FBXO45: variants seen among roughly 807,000 people sequenced by gnomAD.
FBXO45 encodes the protein F-box/SPRY domain-containing protein 1.
Under a neutral mutation model 25.5 loss-of-function variants are expected in FBXO45, and 3 were observed. That is an observed-to-expected ratio of 0.12 (90% CI 0.05 to 0.30). The LOEUF (loss-of-function observed/expected upper bound fraction) is 0.30. Among genes scored for constraint, FBXO45 ranks in the 10% least tolerant of loss-of-function variants. The pLI is 1.00. For synonymous variants in FBXO45, 155 were observed against 149.8 expected, an observed-to-expected ratio of 1.03 and a Z score of -0.25; for missense variants, 219 against 365.0, an observed-to-expected ratio of 0.60 and a Z score of 3.26.
At chr3:196,577,241 G>C (rs1356406652) in intron 1 of FBXO45, among the ~76,000 whole-genome samples, 1 of 150,618 alleles carries the variant, frequency 6.6e-6, no homozygotes, top group East Asian at 2.0e-4. Context: ...TAAAATTTTG[G>C]TCAGTGATGA....
chr3:196,570,315 G>A (rs1735788182), intron 1 of FBXO45, among the ~76,000 whole-genome samples: 1 of 144,586 alleles, frequency 6.9e-6, no homozygotes, highest in East Asian at 2.1e-4. Flanking sequence ...TCGGCTCACC[G>A]CAACCTCCGC....
Position 196,580,929 on chromosome 3 carries a change from G to T in FBXO45, c.675+3120G>T, listed in dbSNP as rs186275459. Among the ~76,000 whole-genome samples, 221 of 152,140 alleles carry T rather than the reference G, an allele frequency of 1.5e-3. 3 individuals are homozygous for T. Among genetic ancestry groups the T allele is most frequent in the African/African-American group, 4.9e-3 (204 of 41,504 alleles). Reference sequence around the variant, plus strand: ...GCCTCCAGAGTAGCTGGGACTACAGGTGCTCCCCACCAATGCCTGGCTAAT... The same window carrying T: ...GCCTCCAGAGTAGCTGGGACTACAGTTGCTCCCCACCAATGCCTGGCTAAT... On this transcript the variant is annotated intron_variant, in intron 2 of 2. Transcript: ENST00000311630.
At position 196,584,399 on chromosome 3, in the gene FBXO45, A is replaced by T. The variant is rs1736066836; in HGVS notation, c.*81A>T. 1.6e-6 allele frequency: 2 copies of T among 1,238,336 alleles called. No individual in the cohort carries two copies. The highest frequency in any genetic ancestry group is 2.2e-6 in the Non-Finnish European group (2 of 905,634). 76.7% of individuals were successfully genotyped at this position (1,238,336 alleles called of 1,614,324 possible). On this transcript the variant is annotated 3_prime_UTR_variant, in exon 3 of 3. Coordinates refer to ENST00000311630, the MANE Select transcript of FBXO45 (RefSeq NM_001105573.2). This position sits in a 1 kb window ranked among gnomAD's most constrained non-coding sequence, Gnocchi z 4.3. ...TAGAACCATGAAGTGACTGTCACAC[A>T]TGCATGTCCAAGAAACATCCTGAAA...
At chr3:196,572,680 T>C (rs532660908) in intron 1 of FBXO45, among the ~76,000 whole-genome samples, 2 of 152,308 alleles carry the variant, frequency 1.3e-5, no homozygotes, top group Admixed American at 1.3e-4. Flanking sequence ...ATTGGTGATA[T>C]GATTATTTTG....
chr3:196,574,459 A>G (rs1234313591), intron 1 of FBXO45, among the ~76,000 whole-genome samples: 1 of 152,158 alleles, frequency 6.6e-6, no homozygotes, highest in African/African-American at 2.4e-5. Context: ...GCAAAGGTTG[A>G]TATGTCTCTT....
chr3:196,571,030 G>A (rs561017425), intron 1 of FBXO45, among the ~76,000 whole-genome samples: 8 of 152,136 alleles, frequency 5.3e-5, no homozygotes, highest in African/African-American at 1.9e-4. Context: ...TTTCTATTAA[G>A]CGAAATAACA....
chr3:196,573,358 G>A (rs1735860236), intron 1 of FBXO45, among the ~76,000 whole-genome samples: 1 of 152,156 alleles, frequency 6.6e-6, no homozygotes, highest in South Asian at 2.1e-4. Flanking sequence ...TATCATGGAG[G>A]GCTTTGAAAT....
At chr3:196,576,030 T>C (rs749332716) in intron 1 of FBXO45, among the ~76,000 whole-genome samples, 29 of 152,208 alleles carry the variant, frequency 1.9e-4, no homozygotes, top group Non-Finnish European at 3.4e-4. Flanking sequence ...TATTTTATAA[T>C]ACGAGCAGAT....
In FBXO45 at chr3:196,568,727, C is replaced by T. The variant is rs1185024489; in HGVS notation, c.-258C>T. 8 of 153,610 alleles carry T rather than the reference C, an allele frequency of 5.2e-5. No homozygotes were observed. The highest frequency in any genetic ancestry group is 7.2e-5 in the African/African-American group (3 of 41,462). The allele number at this position is 153,610 out of a possible 1,614,324, so 9.5% of individuals were successfully genotyped here. A position where few individuals can be genotyped will look rare whatever the true frequency, so the allele number is the denominator to read the frequency against. On this transcript the variant is annotated 5_prime_UTR_variant, in exon 1 of 3. Transcript: ENST00000311630. ...CGCGCCGCGGAGAGGCCGGGCGAGT[C>T]GGGCGGTTTCGGCGCCCGCGCTGAG... is the stretch of plus-strand genomic sequence containing the variant.
In FBXO45 at chr3:196,569,533, G is replaced by A. The variant is rs1320271243; in HGVS notation, c.318+231G>A. On this transcript the variant is annotated intron_variant, in intron 1 of 2. Transcript: ENST00000311630. The surrounding 1 kb of genome is among the most constrained non-coding windows in gnomAD (Gnocchi z 4.1). ...CCGTGATCCACTTTTCAAACAACTA[G>A]GTAGTTTGCCTCACTCATTCAACTT... 2.6e-5 allele frequency among the ~76,000 whole-genome samples: 4 copies of A among 152,104 alleles called. No homozygotes were observed. The highest frequency in any genetic ancestry group is 9.7e-5 in the African/African-American group (4 of 41,406).
intron 2 of FBXO45, among the ~76,000 whole-genome samples, chr3:196,582,683 C>T (rs972957354): frequency 3.3e-5 from 5 of 149,910 alleles, no homozygotes; most frequent in East Asian, 2.0e-4. Flanking sequence ...CTTCCAGTTT[C>T]GTTTAATAAT....
At chr3:196,571,352 C>T (rs1378653502) in intron 1 of FBXO45, among the ~76,000 whole-genome samples, 2 of 152,066 alleles carry the variant, frequency 1.3e-5, no homozygotes, top group East Asian at 3.9e-4. Context: ...CTTAGCCTCC[C>T]GAGTAGCTGG....
intron 2 of FBXO45, among the ~76,000 whole-genome samples, chr3:196,578,832 AGT>A (rs1461997005): frequency 3.9e-5 from 6 of 151,906 alleles, no homozygotes; most frequent in Non-Finnish European, 5.9e-5. Flanking sequence ...AGCTATCTTT[AGT>A]GTTAGTGTAT....
intron 2 of FBXO45, among the ~76,000 whole-genome samples, chr3:196,578,252 G>A (rs570786925): frequency 8.6e-5 from 13 of 151,824 alleles, no homozygotes; most frequent in Non-Finnish European, 1.9e-4. Flanking sequence ...GGCCAGGCTG[G>A]TCTTGAACTC....
chr3:196,575,480 A>G, intron 1 of FBXO45, among the ~76,000 whole-genome samples: 1 of 149,958 alleles, frequency 6.7e-6, no homozygotes, highest in African/African-American at 2.4e-5. Flanking sequence ...AAAGAAAAGG[A>G]AGTTTAAGGA....
rs189191290 is a variant in FBXO45, at chr3:196,569,571, C to T, written c.318+269C>T. Among the ~76,000 whole-genome samples the T allele has an allele frequency of 1.3e-5, 2 of 152,284 alleles. No individual in the cohort carries two copies. The highest frequency in any genetic ancestry group is 3.9e-4 in the East Asian group (2 of 5,186). On this transcript the variant is annotated intron_variant, in intron 1 of 2. Coordinates refer to ENST00000311630, the MANE Select transcript of FBXO45 (RefSeq NM_001105573.2). The surrounding 1 kb of genome is among the most constrained non-coding windows in gnomAD (Gnocchi z 4.1). ...ACTCATTCAACTTTTGACAGTTTTC[C>T]CCGTTAAAGACAGACCACCACTCTT...
rs1213256944 is a variant in FBXO45 at position 196,587,122 on chromosome 3, T to C, written c.*2804T>C. 6.6e-6 allele frequency: 1 copy of C among 152,222 alleles called. No individual in the cohort carries two copies. Among genetic ancestry groups the C allele is most frequent in the Admixed American group, 6.5e-5 (1 of 15,284 alleles). The allele number at this position is 152,222 out of a possible 1,614,324, so 9.4% of individuals were successfully genotyped here. A position where few individuals can be genotyped will look rare whatever the true frequency, so the allele number is the denominator to read the frequency against. ...CTTTCTTTGGTTGGTTAACGAAGCA[T>C]GCAGATGTGGAAGCAGACGTTACTA... On this transcript the variant is annotated 3_prime_UTR_variant, in exon 3 of 3. Transcript: ENST00000311630.
At chr3:196,582,010 A>C (rs923066) in intron 2 of FBXO45, among the ~76,000 whole-genome samples, 77,238 of 151,818 alleles carry the variant, frequency 0.51, 20,224 homozygotes, top group East Asian at 0.72. Flanking sequence ...GGGATTTGGG[A>C]AGTTAATTCT....
chr3:196,588,437 G>C lies in FBXO45; in HGVS notation c.*4119G>C, dbSNP rs1736176908. On this transcript the variant is annotated 3_prime_UTR_variant, in exon 3 of 3. Coordinates refer to ENST00000311630, the MANE Select transcript of FBXO45 (RefSeq NM_001105573.2). The surrounding 1 kb of genome is among the most constrained non-coding windows in gnomAD (Gnocchi z 4.2). ...TTGAGACCACCACAGTTCCACAATT[G>C]GGACTGTGGTAGATAATCAGGACCA... 6.6e-6 allele frequency: 1 copy of C among 152,118 alleles called. No homozygotes were observed. Among genetic ancestry groups the C allele is most frequent in the African/African-American group, 2.4e-5 (1 of 41,398 alleles). The allele number at this position is 152,118 out of a possible 1,614,324, so 9.4% of individuals were successfully genotyped here. A position where few individuals can be genotyped will look rare whatever the true frequency, so the allele number is the denominator to read the frequency against.
Sources: gnomAD v4.1 joint callset for allele counts (sites outside exome capture counted in the v4.1 genomes callset) on GRCh38, gnomAD v4.1.1 for gene constraint, Gnocchi (gnomAD v3.1) non-coding constraint, MANE v1.5 for transcripts, NCBI Gene and HGNC (gene_info 2026-07-23, HGNC 2026-07-21) for gene names.